The following DTX3L variants were observed in gnomAD, a reference collection of about 807,000 sequenced individuals.
DTX3L encodes the protein deltex E3 ubiquitin ligase 3L, also known as E3 ubiquitin-protein ligase DTX3L.
Under a neutral mutation model 60.9 loss-of-function variants are expected in DTX3L, and 34 were observed. The observed-to-expected ratio is 0.56, with a 90% CI of 0.42 to 0.74. The LOEUF is 0.74. Among genes scored for constraint, DTX3L ranks in the 30% least tolerant of loss-of-function variants. DTX3L has a pLI of 0.00. For synonymous variants in DTX3L, 290 were observed against 316.6 expected (o/e 0.92, Z 0.89); for missense variants, 810 against 874.0 (o/e 0.93, Z 0.92).
At chr3:122,570,368 C>T (rs2080636279) in intron 3 of DTX3L, 87 bp from the exon 4 acceptor site, 2 of 1,329,214 alleles carry the variant, frequency 1.5e-6, no homozygotes, top group Admixed American at 2.1e-5. Context: ...TTTTGATTTG[C>T]TTTATCTACA....
chr3:122,570,532 G>A lies in DTX3L; in HGVS notation c.2013G>A (p.Arg671=), dbSNP rs533225884. 3 of 1,614,194 alleles carry A rather than the reference G, an allele frequency of 1.9e-6. No homozygotes were observed. In the African/African-American group the frequency reaches 4.0e-5, roughly 22 times the overall value. ...ACTTGCCTGATAATAAGGAAGGAAG[G>A]AAGGTTTTGAAACTGCTTTATAGGG... ...TAYLPDNKEG[R]KVLKLLYRAF... Residue 671 remains arginine, a synonymous_variant, in exon 4 of 5, where the codon AGG becomes AGA. Coordinates refer to ENST00000296161, the MANE Select transcript of DTX3L (RefSeq NM_138287.3).
At position 122,570,031 on chromosome 3, in the gene DTX3L, A is replaced by G; in HGVS notation, c.1935+7A>G. On this transcript the variant is annotated splice_region_variant and intron_variant, in intron 3 of 4. Coordinates refer to ENST00000296161, the MANE Select transcript of DTX3L (RefSeq NM_138287.3). ...GAAAGCAGGCATACAAACAGTAAGT[A>G]TTTCTCAAGTCCATGGGTTTCTTGC... is the stretch of plus-strand genomic sequence containing the variant. The G allele has an allele frequency of 1.9e-6, 3 of 1,613,126 alleles. No individual in the cohort carries two copies. The highest frequency in any genetic ancestry group is 2.2e-5 in the South Asian group (2 of 91,088).
Position 122,571,909 on chromosome 3 carries a change from G to C in DTX3L, c.*162G>C, listed in dbSNP as rs2080648450. On this transcript the variant is annotated 3_prime_UTR_variant, in exon 5 of 5. Coordinates refer to ENST00000296161, the MANE Select transcript of DTX3L (RefSeq NM_138287.3). ...ACAATCTGCTAGTCTGTCATTTCTGGAGTGATACTTTTTTTTTTGAGACGG... is the reference window on the plus strand; with the variant it reads ...ACAATCTGCTAGTCTGTCATTTCTGCAGTGATACTTTTTTTTTTGAGACGG... 1.0e-5 allele frequency: 6 copies of C among 576,308 alleles called. No individual in the cohort carries two copies. The highest frequency in any genetic ancestry group is 1.8e-5 in the Non-Finnish European group (6 of 336,138). The allele number at this position is 576,308 out of a possible 1,614,324, so 35.7% of individuals were successfully genotyped here.
intron 4 of DTX3L, among the ~76,000 whole-genome samples, 197 bp downstream of exon 4, chr3:122,570,869 T>A (rs1268403694): frequency 6.6e-6 from 1 of 152,190 alleles, no homozygotes; most frequent in Non-Finnish European, 1.5e-5. Context: ...TAAAGTACTA[T>A]GGAGTTATTT....
chr3:122,573,147 T>C lies in DTX3L; in HGVS notation c.*1400T>C, dbSNP rs2080656561. The C allele has an allele frequency of 6.6e-6, 1 of 152,128 alleles. No individual in the cohort carries two copies. Among genetic ancestry groups the C allele is most frequent in the Non-Finnish European group, 1.5e-5 (1 of 68,060 alleles). 9.4% of individuals were successfully genotyped at this position (152,128 alleles called of 1,614,324 possible). ...GTGTCGGGGAGGTGCCAGGCTCTTT[T>C]TAACAAGCAGTTCTTCAGGAACTAA... On this transcript the variant is annotated 3_prime_UTR_variant, in exon 5 of 5. Coordinates refer to ENST00000296161, the MANE Select transcript of DTX3L (RefSeq NM_138287.3).
At position 122,572,000 on chromosome 3, in the gene DTX3L, C is replaced by T. The variant is rs552762471; in HGVS notation, c.*253C>T. On this transcript the variant is annotated 3_prime_UTR_variant, in exon 5 of 5. Coordinates refer to ENST00000296161, the MANE Select transcript of DTX3L (RefSeq NM_138287.3). Reference sequence around the variant, plus strand: ...CTCGGCTCACTGCAAGCTCCGCCTCCCAGGTTCATGCCATTCTCCTACCTC... The same window carrying T: ...CTCGGCTCACTGCAAGCTCCGCCTCTCAGGTTCATGCCATTCTCCTACCTC... 149 of 238,188 alleles carry T rather than the reference C, an allele frequency of 6.3e-4. No individual in the cohort carries two copies. Among genetic ancestry groups the T allele is most frequent in the African/African-American group, 3.2e-3 (145 of 45,072 alleles). The allele number at this position is 238,188 out of a possible 1,614,324, so 14.8% of individuals were successfully genotyped here.
chr3:122,568,637 G>T lies in DTX3L; in HGVS notation c.548G>T (p.Arg183Ile). ...TGTGGTGACTTCCAAGACATTGAAAGAATACATCAATTTTTGAGTGAGCAG... is the reference window on the plus strand; with the variant it reads ...TGTGGTGACTTCCAAGACATTGAAATAATACATCAATTTTTGAGTGAGCAG... The part of the protein sequence containing the change: ...KVCGDFQDIE[R>I]IHQFLSEQFL... The change falls in exon 3 of 5, where the codon AGA becomes ATA. Residue 183 changes from arginine to isoleucine, a missense_variant. Physicochemically the swap from Arg to Ile is moderately conservative, Grantham distance 97. Transcript: ENST00000296161. 1.2e-6 allele frequency: 2 copies of T among 1,614,150 alleles called. No individual in the cohort carries two copies. Among genetic ancestry groups the T allele is most frequent in the South Asian group, 1.1e-5 (1 of 91,082 alleles).
rs34308498 is a variant in DTX3L, at chr3:122,569,467, A to G, written c.1378A>G (p.Lys460Glu). 0.015 allele frequency: 24,495 copies of G among 1,614,170 alleles called. 235 individuals carry two copies. The highest frequency in any genetic ancestry group is 0.018 in the Non-Finnish European group (20,673 of 1,180,028). The change falls in exon 3 of 5, where the codon AAG becomes GAG. Residue 460 changes from lysine (K) to glutamate (E), a missense_variant. By Grantham distance (56) the Lys-to-Glu change is moderately conservative. Coordinates refer to ENST00000296161, the MANE Select transcript of DTX3L (RefSeq NM_138287.3). ...REVLLLKSLG[K>E]ERKHLHQTKF... is the part of the protein sequence containing the mutation. ...AGTTCTTTTACTGAAGTCTTTGGGC[A>G]AGGAGAGAAAGCACTTACATCAGAC...
At position 122,569,882 on chromosome 3, in the gene DTX3L, C is replaced by T; in HGVS notation, c.1793C>T (p.Thr598Ile). ...ATGTCATATAAGCCAATCTGTCCCA[C>T]ATGCCAGACTTCCTATGGTATTCAG... ...KAMSYKPICP[T>I]CQTSYGIQKG... The change falls in exon 3 of 5, where the codon ACA becomes ATA. Residue 598 changes from threonine to isoleucine, a missense_variant. Coordinates refer to ENST00000296161, the MANE Select transcript of DTX3L (RefSeq NM_138287.3). The T allele has an allele frequency of 1.2e-6, 2 of 1,614,168 alleles. No homozygotes were observed. The highest frequency in any genetic ancestry group is 1.7e-6 in the Non-Finnish European group (2 of 1,180,026).
Position 122,569,944 on chromosome 3 carries a change from G to A in DTX3L, c.1855G>A (p.Val619Ile), listed in dbSNP as rs764522063. 1 of 1,614,012 alleles carries A rather than the reference G, an allele frequency of 6.2e-7. No individual in the cohort carries two copies. The highest frequency in any genetic ancestry group is 1.3e-5 in the African/African-American group (1 of 74,912). The change falls in exon 3 of 5, where the codon GTT becomes ATT. Residue 619 changes from valine to isoleucine, a missense_variant. By Grantham distance (29) the Val-to-Ile change is conservative. Coordinates refer to ENST00000296161, the MANE Select transcript of DTX3L (RefSeq NM_138287.3). ...NQPEGSMVFT[V>I]SRDSLPGYES... is the part of the protein sequence containing the mutation. ...GCCAGAGGGAAGCATGGTTTTCACT[G>A]TTTCAAGAGACTCACTTCCAGGTTA... is the stretch of plus-strand genomic sequence containing the variant.
At position 122,569,673 on chromosome 3, in the gene DTX3L, G is replaced by A; in HGVS notation, c.1584G>A (p.Met528Ile). 3 of 1,614,202 alleles carry A rather than the reference G, an allele frequency of 1.9e-6. No individual in the cohort carries two copies. Among genetic ancestry groups the A allele is most frequent in the Non-Finnish European group, 2.5e-6 (3 of 1,180,038 alleles). The change falls in exon 3 of 5, where the codon ATG becomes ATA. Residue 528 changes from methionine to isoleucine, a missense_variant. Coordinates refer to ENST00000296161, the MANE Select transcript of DTX3L (RefSeq NM_138287.3). ...TGAAAGAGGGTCATGAAACACCGAT[G>A]GACATTGATAGCGATGATTCCAAAG... Reference protein sequence around the residue: ...KKLKEGHETPMDIDSDDSKAA... With the variant: ...KKLKEGHETPIDIDSDDSKAA...
chr3:122,573,126 CG>C lies in DTX3L; in HGVS notation c.*1383del, dbSNP rs2080656496. The C allele has an allele frequency of 6.6e-6, 1 of 152,114 alleles. No individual in the cohort carries two copies. Among genetic ancestry groups the C allele is most frequent in the Non-Finnish European group, 1.5e-5 (1 of 68,052 alleles). The allele number at this position is 152,114 out of a possible 1,614,324, so 9.4% of individuals were successfully genotyped here. A position where few individuals can be genotyped will look rare whatever the true frequency, so the allele number is the denominator to read the frequency against. ...GAGAGGAAGTGAGAGAGAGAGGTGT[CG>C]GGGAGGTGCCAGGCTCTTTTTAACA... On this transcript the variant is annotated 3_prime_UTR_variant, in exon 5 of 5. Transcript: ENST00000296161.
At chr3:122,568,241 G>A (rs755199719) in intron 2 of DTX3L, among the ~76,000 whole-genome samples, 5 of 152,076 alleles carry the variant, frequency 3.3e-5, no homozygotes, top group Admixed American at 6.6e-5. Flanking sequence ...CCCGGGAGGC[G>A]GAGGTTGCAG....
rs533213573 is a variant in DTX3L, at chr3:122,567,968, T to C, written c.400-521T>C. On this transcript the variant is annotated intron_variant, in intron 2 of 4. Transcript: ENST00000296161. ...CTGAATTCGCCAGGTGAGTCTTATA[T>C]GCAGACAGGGCTGAGAACCTCTGGG... Among the ~76,000 whole-genome samples the C allele has an allele frequency of 5.3e-5, 8 of 152,282 alleles. No individual in the cohort carries two copies. In the South Asian group the frequency reaches 1.7e-3, roughly 32 times the overall value.
rs540569937 is a variant in DTX3L, at chr3:122,571,917, CT to C, written c.*180del. On this transcript the variant is annotated 3_prime_UTR_variant, in exon 5 of 5. Transcript: ENST00000296161. ...CTAGTCTGTCATTTCTGGAGTGATA[CT>C]TTTTTTTTTGAGACGGAGTCTGCTC... 9.2e-3 allele frequency: 4,400 copies of C among 478,278 alleles called. No individual in the cohort carries two copies. Among genetic ancestry groups the C allele is most frequent in the South Asian group, 0.014 (448 of 31,858 alleles). The allele number at this position is 478,278 out of a possible 1,614,324, so 29.6% of individuals were successfully genotyped here.
rs755517324 is a variant in DTX3L at position 122,568,749 on chromosome 3, T to C, written c.660T>C (p.Ile220=). The change falls in exon 3 of 5, where the codon ATT becomes ATC. Residue 220 remains isoleucine (I), a synonymous_variant. Transcript: ENST00000296161. The stretch of plus-strand genomic sequence containing the variant: ...GTCAGCAGGAGAGGGACAGCTGCAT[T>C]TCTCCTTCTGAACCAGAAACCAAGG... ...PLSQQERDSC[I]SPSEPETKAE... 6.2e-7 allele frequency: 1 copy of C among 1,614,180 alleles called. No individual in the cohort carries two copies.
In DTX3L at chr3:122,568,663, T is replaced by C. The variant is rs773527707; in HGVS notation, c.574T>C (p.Phe192Leu). ...ERIHQFLSEQ[F>L]LESEQKQQFS... ...AATACATCAATTTTTGAGTGAGCAG[T>C]TCCTGGAAAGTGAGCAGAAACAACA... Residue 192 changes from phenylalanine to leucine, a missense_variant, in exon 3 of 5, where the codon TTC becomes CTC. Coordinates refer to ENST00000296161, the MANE Select transcript of DTX3L (RefSeq NM_138287.3). 2 of 1,614,174 alleles carry C rather than the reference T, an allele frequency of 1.2e-6. No homozygotes were observed. The highest frequency in any genetic ancestry group is 2.2e-5 in the South Asian group (2 of 91,082).
intron 1 of DTX3L, among the ~76,000 whole-genome samples, chr3:122,565,421 AGAATCGCTG>A (rs534272865): frequency 6.7e-6 from 1 of 149,812 alleles, no homozygotes; most frequent in African/African-American, 2.5e-5. Context: ...CTGAGGCAGG[AGAATCGCTG>A]GAACTCGGGA....
At position 122,568,774 on chromosome 3, in the gene DTX3L, G is replaced by T; in HGVS notation, c.685G>T (p.Ala229Ser). ...CISPSEPETK[A>S]EQKSNYFEVP... The stretch of plus-strand genomic sequence containing the variant: ...TTCTCCTTCTGAACCAGAAACCAAG[G>T]CAGAACAAAAAAGCAACTATTTTGA... The change falls in exon 3 of 5, where the codon GCA becomes TCA. Residue 229 changes from alanine to serine, a missense_variant. By Grantham distance (99) the Ala-to-Ser change is moderately conservative. Transcript: ENST00000296161. The T allele has an allele frequency of 6.2e-7, 1 of 1,614,020 alleles. No individual in the cohort carries two copies. Among genetic ancestry groups the T allele is most frequent in the Admixed American group, 1.7e-5 (1 of 60,016 alleles).
Sources: gnomAD v4.1 joint callset for allele counts (sites outside exome capture counted in the v4.1 genomes callset) on GRCh38, gnomAD v4.1.1 for gene constraint, MANE v1.5 for transcripts, NCBI Gene and HGNC (gene_info 2026-07-23, HGNC 2026-07-21) for gene names.